RGS8: variants seen among roughly 807,000 people sequenced by gnomAD.
The protein encoded by RGS8 is regulator of G protein signaling 8.
In RGS8, 8 loss-of-function variants were observed where a neutral mutation model predicts 21.7. That is an observed-to-expected ratio of 0.37 (90% CI 0.22 to 0.66). The LOEUF is 0.66. RGS8 is among the 30% of genes least tolerant of loss of function. The pLI, the probability that RGS8 is intolerant of heterozygous loss-of-function variation, is 0.59. For missense variants in RGS8, 157 were observed against 217.9 expected, an observed-to-expected ratio of 0.72 and a Z score of 1.76; for synonymous variants, 80 against 83.6, an observed-to-expected ratio of 0.96 and a Z score of 0.24.
the RGS8 span, among the ~76,000 whole-genome samples, chr1:182,743,527 C>G: frequency 6.6e-6 from 1 of 152,178 alleles, no homozygotes; most frequent in Non-Finnish European, 1.5e-5. Flanking sequence ...CTCATAATAA[C>G]TCATAGATAT....
chr1:182,699,141 C>T, the RGS8 span, among the ~76,000 whole-genome samples: 2 of 152,234 alleles, frequency 1.3e-5, no homozygotes, highest in Non-Finnish European at 2.9e-5. Flanking sequence ...AAAGCCGCCT[C>T]TCCAGCTGCT....
Position 182,660,682 on chromosome 1 carries a change from T to C in RGS8, c.193+5287A>G, listed in dbSNP as rs149019904. Among the ~76,000 whole-genome samples the C allele has an allele frequency of 1.3e-3, 200 of 150,234 alleles. 1 individual carries two copies. The highest frequency in any genetic ancestry group is 4.9e-3 in the African/African-American group (198 of 40,746). On this transcript the variant is annotated intron_variant, in intron 5 of 6. Transcript: ENST00000483095. ...CGAGATACAGTCTTTAGTATGTTTC[T>C]TGGAAAGCACAGGCCACCTGCCCCA...
the RGS8 span, among the ~76,000 whole-genome samples, chr1:182,698,964 CCA>C: frequency 6.6e-6 from 1 of 152,100 alleles, no homozygotes; most frequent in Non-Finnish European, 1.5e-5. Context: ...GTGTAAGCGC[CCA>C]GAGACTTATT....
At chr1:182,705,453 C>T in the RGS8 span, among the ~76,000 whole-genome samples, 1 of 152,220 alleles carries the variant, frequency 6.6e-6, no homozygotes, top group African/African-American at 2.4e-5. Flanking sequence ...GCCCCACAGT[C>T]ACACTCAGAA....
At chr1:182,642,346 A>G (rs1557875901), downstream of RGS8, 5 of 152,502 alleles carry the variant, frequency 3.3e-5, no homozygotes, top group East Asian at 9.6e-4. Context: ...GAGGCCTGAC[A>G]CTTGGAAGAG....
intron 3 of RGS8, among the ~76,000 whole-genome samples, chr1:182,668,164 A>G (rs911405327): frequency 4.3e-4 from 66 of 152,156 alleles, no homozygotes; most frequent in African/African-American, 1.5e-3. Context: ...CACAAACCCA[A>G]AAATATTTAT....
At chr1:182,735,473 C>T in the RGS8 span, among the ~76,000 whole-genome samples, 2 of 152,094 alleles carry the variant, frequency 1.3e-5, no homozygotes, top group African/African-American at 4.8e-5. Flanking sequence ...AGGTCATTTA[C>T]AGCTCCAAAA....
upstream of RGS8, among the ~76,000 whole-genome samples, chr1:182,672,580 A>C (rs1664218679): frequency 6.6e-6 from 1 of 151,880 alleles, no homozygotes; most frequent in Admixed American, 6.6e-5. Context: ...CCACTTCTTA[A>C]TGAGAAATTT....
At chr1:182,722,549 G>A in the RGS8 span, among the ~76,000 whole-genome samples, 2 of 151,994 alleles carry the variant, frequency 1.3e-5, no homozygotes, top group Non-Finnish European at 2.9e-5. Flanking sequence ...TGCACCTCTT[G>A]GCTCTTTCTA....
At chr1:182,671,051 C>T (rs1480033778) in intron 2 of RGS8, among the ~76,000 whole-genome samples, 1 of 152,188 alleles carries the variant, frequency 6.6e-6, no homozygotes, top group Non-Finnish European at 1.5e-5. Flanking sequence ...ACCTACATTG[C>T]AGGCAAGGTC....
chr1:182,724,007 G>T, the RGS8 span, among the ~76,000 whole-genome samples: 1 of 151,548 alleles, frequency 6.6e-6, no homozygotes, highest in Admixed American at 6.6e-5. Flanking sequence ...GTGTCAACTT[G>T]ATTGGATTGA....
intron 2 of RGS8, 107 bp downstream of exon 3, chr1:182,671,550 G>A (rs1664156627): frequency 1.1e-6 from 1 of 942,408 alleles, no homozygotes; most frequent in Non-Finnish European, 1.7e-6. Context: ...TCCGAGGGAA[G>A]AAAGCAATCA....
chr1:182,674,351 G>C (rs370353538), upstream of RGS8, among the ~76,000 whole-genome samples: 3 of 152,240 alleles, frequency 2.0e-5, no homozygotes, highest in East Asian at 5.8e-4. Flanking sequence ...TGTTTAAAAA[G>C]AGCTATAGTA....
chr1:182,663,128 T>C (rs567670802), intron 5 of RGS8, among the ~76,000 whole-genome samples: 7 of 152,264 alleles, frequency 4.6e-5, no homozygotes, highest in African/African-American at 1.7e-4. Context: ...TTGTCTTAAT[T>C]GCAAGCTCCA....
rs115317269 is a variant in RGS8, at chr1:182,655,842, G to A, written c.194-7539C>T. ...TCTCCTCATCAATGTCAATGTCAGT[G>A]TCATCACCGAGTTCTGTGCTGCCCA... On this transcript the variant is annotated intron_variant, in intron 5 of 6. Transcript: ENST00000483095. Among the ~76,000 whole-genome samples the A allele has an allele frequency of 5.8e-3, 879 of 152,168 alleles. 5 individuals carry two copies. Among genetic ancestry groups the A allele is most frequent in the African/African-American group, 0.02 (835 of 41,518 alleles).
intron 3 of RGS8, among the ~76,000 whole-genome samples, chr1:182,668,362 C>T (rs911331735): frequency 6.6e-6 from 1 of 152,218 alleles, no homozygotes; most frequent in African/African-American, 2.4e-5. Context: ...CTAGAAGATG[C>T]CATTCTGCAT....
Position 182,684,435 on chromosome 1 carries a change from T to C in RGS8, n.142A>G, listed in dbSNP as rs1356224609. On this transcript the variant is annotated non_coding_transcript_exon_variant, in exon 1 of 5. Coordinates refer to the RGS8 transcript ENST00000515211. The surrounding 1 kb of genome is among the most constrained non-coding windows in gnomAD (Gnocchi z 4.2). ...CATGGTTCGGTGAGGCCCTGAGTGA[T>C]AGAGTCAGCCACCTCCTCCTGGCAC... The C allele has an allele frequency of 1.3e-5, 2 of 152,290 alleles. No homozygotes were observed. The highest frequency in any genetic ancestry group is 2.9e-5 in the Non-Finnish European group (2 of 68,152). 9.4% of individuals were successfully genotyped at this position (152,290 alleles called of 1,614,324 possible). A position where few individuals can be genotyped will look rare whatever the true frequency, so the allele number is the denominator to read the frequency against.
chr1:182,738,917 T>C, the RGS8 span, among the ~76,000 whole-genome samples: 2 of 152,192 alleles, frequency 1.3e-5, no homozygotes, highest in Non-Finnish European at 1.5e-5. Context: ...TGAAGGTCGA[T>C]GGTAAGGACA....
the RGS8 span, among the ~76,000 whole-genome samples, chr1:182,694,917 C>T: frequency 6.6e-6 from 1 of 152,104 alleles, no homozygotes; most frequent in Non-Finnish European, 1.5e-5. Context: ...GATAAGTCTT[C>T]ACACAAAAGC....
Sources: gnomAD v4.1 joint callset for allele counts (sites outside exome capture counted in the v4.1 genomes callset) on GRCh38, gnomAD v4.1.1 for gene constraint, Gnocchi (gnomAD v3.1) non-coding constraint, MANE v1.5 for transcripts, NCBI Gene and HGNC (gene_info 2026-07-23, HGNC 2026-07-21) for gene names.